The following HMCN2 variants were observed in gnomAD, a reference collection of about 807,000 sequenced individuals.
HMCN2 encodes hemicentin 2, also known as hemicentin-2.
Under a neutral mutation model 377.5 loss-of-function variants are expected in HMCN2, and 325 were observed. The observed-to-expected ratio is 0.86, with a 90% CI of 0.79 to 0.94. The LOEUF (loss-of-function observed/expected upper bound fraction) is 0.94, where lower values mean the gene tolerates loss of function less well. HMCN2 is among the 40% of genes least tolerant of loss of function. HMCN2 has a pLI of 0.00. For synonymous variants in HMCN2, 2,007 were observed against 2,046.8 expected, an observed-to-expected ratio of 0.98 and a Z score of 0.53; for missense variants, 4,543 against 4,725.3, an observed-to-expected ratio of 0.96 and a Z score of 1.13.
At position 130,361,819 on chromosome 9, in the gene HMCN2, C is replaced by A. The variant is rs919728853; in HGVS notation, c.5951-189C>A. 9.2e-5 allele frequency among the ~76,000 whole-genome samples: 14 copies of A among 152,208 alleles called. No individual in the cohort carries two copies. The highest frequency in any genetic ancestry group is 3.4e-4 in the African/African-American group (14 of 41,444). On this transcript the variant is annotated intron_variant, in intron 38 of 97. Coordinates refer to ENST00000683500, the MANE Select transcript of HMCN2 (RefSeq NM_001291815.2). This position sits in a 1 kb window ranked among gnomAD's most constrained non-coding sequence, Gnocchi z 4.8. Reference sequence around the variant, plus strand: ...CTCAGTTTCCCATCTATAGAAGCCTCATGGTGGTGTTGAAAGGATGGAAGT... The same window carrying A: ...CTCAGTTTCCCATCTATAGAAGCCTAATGGTGGTGTTGAAAGGATGGAAGT...
intron 1 of HMCN2, among the ~76,000 whole-genome samples, chr9:130,280,136 C>CTG (rs200828991): frequency 2.2e-4 from 31 of 139,552 alleles, no homozygotes; most frequent in Non-Finnish European, 3.0e-4. Context: ...GCTTCCATAG[C>CTG]TGTGTGTGTG....
rs566362392 is a variant in HMCN2 at position 130,294,877 on chromosome 9, C to T, written c.635C>T (p.Ala212Val). 8 of 457,064 alleles carry T rather than the reference C, an allele frequency of 1.8e-5. No homozygotes were observed. The highest frequency in any genetic ancestry group is 6.4e-5 in the South Asian group (4 of 62,548). 28.3% of individuals were successfully genotyped at this position (457,064 alleles called of 1,614,324 possible). Residue 212 changes from alanine to valine, a missense_variant, in exon 5 of 98, where the codon GCG becomes GTG. By Grantham distance (64) the Ala-to-Val change is moderately conservative. Transcript: ENST00000683500. ...CAGGTGCTGAAGTGGGTGGAGTCAG[C>T]GATCCAGGCCTCCAAGGTGCACCTG... ...VTEVLKWVES[A>V]IQASKVHLLS...
At chr9:130,318,067 A>G (rs917221030) in intron 15 of HMCN2, among the ~76,000 whole-genome samples, 2 of 152,126 alleles carry the variant, frequency 1.3e-5, no homozygotes, top group South Asian at 2.1e-4. Flanking sequence ...GGCGGGCCCA[A>G]GGAAAGGCTT....
intron 76 of HMCN2, among the ~76,000 whole-genome samples, chr9:130,400,043 G>T (rs1842788250): frequency 6.6e-6 from 1 of 152,202 alleles, no homozygotes; most frequent in African/African-American, 2.4e-5. Flanking sequence ...TAATCAAGCT[G>T]CTCAGCTTCT....
chr9:130,429,438 C>A, intron 93 of HMCN2, 119 bp from the exon 94 acceptor site: 1 of 1,298,180 alleles, frequency 7.7e-7, no homozygotes, highest in Non-Finnish European at 1.1e-6. Context: ...AGCCTGGTGG[C>A]ACTGAAACTG....
chr9:130,404,998 C>T lies in HMCN2; in HGVS notation c.12278C>T (p.Ser4093Leu), dbSNP rs1321022299. 9 of 1,289,624 alleles carry T rather than the reference C, an allele frequency of 7.0e-6. No homozygotes were observed. The highest frequency in any genetic ancestry group is 3.7e-5 in the South Asian group (3 of 80,946). 79.9% of individuals were successfully genotyped at this position (1,289,624 alleles called of 1,614,324 possible). ...TGGGACAAAGATGGCCAGCCTGTGT[C>T]GGGCGCCGAGGGGAAGTTCACCATC... Reference protein sequence around the residue: ...ITWDKDGQPVSGAEGKFTIQP... With the variant: ...ITWDKDGQPVLGAEGKFTIQP... The change falls in exon 81 of 98, where the codon TCG becomes TTG. Residue 4093 changes from serine (S) to leucine (L), a missense_variant. Ser to Leu is a moderately radical substitution (Grantham distance 145). Coordinates refer to ENST00000683500, the MANE Select transcript of HMCN2 (RefSeq NM_001291815.2).
intron 49 of HMCN2, among the ~76,000 whole-genome samples, chr9:130,375,231 C>T (rs1272066920): frequency 6.6e-6 from 1 of 152,220 alleles, no homozygotes; most frequent in African/African-American, 2.4e-5. Context: ...AAGCCCCCAA[C>T]TCCCACTCCC....
At chr9:130,266,892 G>A (rs1401843434) in intron 1 of HMCN2, among the ~76,000 whole-genome samples, 1 of 152,188 alleles carries the variant, frequency 6.6e-6, no homozygotes, top group African/African-American at 2.4e-5. Context: ...CCCAGGGACA[G>A]CGGTTGCTGA....
Position 130,393,269 on chromosome 9 carries a change from A to C in HMCN2, c.10194A>C (p.Pro3398=). ...TCTTCACCTGTGTGGCCGCAAGCCC[A>C]GCTGGCGTGGCGGACAGGAACTTCA... ...AGIFTCVAAS[P]AGVADRNFTL... The change falls in exon 67 of 98, where the codon CCA becomes CCC. Residue 3398 remains proline, a synonymous_variant. Coordinates refer to ENST00000683500, the MANE Select transcript of HMCN2 (RefSeq NM_001291815.2). The surrounding 1 kb of genome is among the most constrained non-coding windows in gnomAD (Gnocchi z 5.2). 4.0e-6 allele frequency: 4 copies of C among 988,428 alleles called. No individual in the cohort carries two copies. The highest frequency in any genetic ancestry group is 4.8e-6 in the Non-Finnish European group (4 of 830,404). The allele number at this position is 988,428 out of a possible 1,614,324, so 61.2% of individuals were successfully genotyped here. A position where few individuals can be genotyped will look rare whatever the true frequency, so the allele number is the denominator to read the frequency against.
At chr9:130,353,726 A>G (rs958643937) in intron 31 of HMCN2, among the ~76,000 whole-genome samples, 5 of 152,188 alleles carry the variant, frequency 3.3e-5, no homozygotes, top group Non-Finnish European at 7.4e-5. Flanking sequence ...ACGCGGGCAG[A>G]TCTGACTCCA....
chr9:130,348,935 T>C, intron 27 of HMCN2, 49 bp from the exon 28 acceptor site: 1 of 1,284,166 alleles, frequency 7.8e-7, no homozygotes, highest in South Asian at 1.3e-5. Context: ...ATGCTGGGGG[T>C]GGTGGCTGGA....
chr9:130,344,365 G>A (rs1839226650), intron 25 of HMCN2, among the ~76,000 whole-genome samples: 2 of 150,558 alleles, frequency 1.3e-5, no homozygotes, highest in East Asian at 3.9e-4. Context: ...AGTATGTGGT[G>A]TGTGTGTGTG....
intron 84 of HMCN2, among the ~76,000 whole-genome samples, chr9:130,409,387 C>T (rs540587685): frequency 6.6e-5 from 10 of 152,178 alleles, no homozygotes; most frequent in South Asian, 2.1e-4. Context: ...CCTCAGGCCC[C>T]GTGCTGTTTC....
At chr9:130,330,185 G>T (rs968755417) in intron 22 of HMCN2, among the ~76,000 whole-genome samples, 1 of 151,746 alleles carries the variant, frequency 6.6e-6, no homozygotes, top group Non-Finnish European at 1.5e-5. Context: ...CTCTTGACAG[G>T]GGCCAGCAGC....
chr9:130,297,924 T>G (rs1836257715), intron 7 of HMCN2, among the ~76,000 whole-genome samples: 3 of 152,090 alleles, frequency 2.0e-5, no homozygotes, highest in Admixed American at 6.5e-5. Flanking sequence ...TGCGACCCTG[T>G]TGGGTTTCTG....
chr9:130,427,373 TG>T lies in HMCN2; in HGVS notation c.13942+1del. On this transcript the variant is annotated frameshift_variant and splice_region_variant, in exon 91 of 98. Transcript: ENST00000683500. LOFTEE classifies it high-confidence loss of function. ...FELDSQGAFC[V>X]DRDECSGGPS... ...CTGGACTCCCAGGGAGCGTTTTGTG[TG>T]GGTGAGCGCCCCCAACCCTGGCATG... The T allele has an allele frequency of 6.4e-7, 1 of 1,550,518 alleles. No individual in the cohort carries two copies. Among genetic ancestry groups the T allele is most frequent in the Non-Finnish European group, 8.7e-7 (1 of 1,146,988 alleles).
At chr9:130,289,058 A>G (rs782581198) in intron 4 of HMCN2, among the ~76,000 whole-genome samples, 18 of 152,198 alleles carry the variant, frequency 1.2e-4, no homozygotes, top group Non-Finnish European at 2.1e-4. Context: ...TAGCCCCGAC[A>G]GTGGTGGGGG....
intron 52 of HMCN2, among the ~76,000 whole-genome samples, chr9:130,377,407 C>T (rs1227316097): frequency 1.3e-5 from 2 of 152,210 alleles, no homozygotes; most frequent in African/African-American, 4.8e-5. Flanking sequence ...CCACTGCGCC[C>T]AGCCATATTT....
chr9:130,383,983 C>T (rs1187816013), intron 57 of HMCN2, among the ~76,000 whole-genome samples: 1 of 152,100 alleles, frequency 6.6e-6, no homozygotes, highest in South Asian at 2.1e-4. Context: ...TTGGGGGGGT[C>T]TCACTGTCCC....
Sources: gnomAD v4.1 joint callset for allele counts (sites outside exome capture counted in the v4.1 genomes callset) on GRCh38, gnomAD v4.1.1 for gene constraint, Gnocchi (gnomAD v3.1) non-coding constraint, MANE v1.5 for transcripts, NCBI Gene and HGNC (gene_info 2026-07-23, HGNC 2026-07-21) for gene names.